Variants in RAPGEF2 observed in about 807,000 individuals in gnomAD.
The protein encoded by RAPGEF2 is Rap guanine nucleotide exchange factor 2, also known as PDZ domain containing guanine nucleotide exchange factor (GEF) 1.
A neutral mutation model predicts 186.7 loss-of-function variants in RAPGEF2; 54 were observed. The ratio of observed to expected loss-of-function variants is 0.29; its 90% confidence interval spans 0.23 to 0.36. RAPGEF2 has a LOEUF of 0.36. Among genes scored for constraint, RAPGEF2 ranks in the 10% least tolerant of loss-of-function variants. RAPGEF2 has a pLI of 1.00. For missense variants in RAPGEF2, 1,532 were observed against 2,045.0 expected (o/e 0.75, Z 4.84); for synonymous variants, 712 against 705.9 (o/e 1.01, Z -0.14).
At chr4:159,289,244 T>A (rs758152456) in intron 7 of RAPGEF2, among the ~76,000 whole-genome samples, 9 of 152,168 alleles carry the variant, frequency 5.9e-5, no homozygotes, top group Non-Finnish European at 1.3e-4. Context: ...GATAATTAAG[T>A]AGATGAATGA....
At chr4:159,150,345 TTATTGAA>T (rs1197990124) in intron 1 of RAPGEF2, among the ~76,000 whole-genome samples, 1 of 152,180 alleles carries the variant, frequency 6.6e-6, no homozygotes, top group Non-Finnish European at 1.5e-5. Flanking sequence ...TAAAAATAGC[TTATTGAA>T]TATATACGGT....
At chr4:159,338,523 C>T in intron 18 of RAPGEF2, 55 bp downstream of exon 18, 2 of 1,462,978 alleles carry the variant, frequency 1.4e-6, no homozygotes, top group South Asian at 1.2e-5. Flanking sequence ...TTATTTCTAA[C>T]ATAATGGTCA....
intron 4 of RAPGEF2, among the ~76,000 whole-genome samples, chr4:159,220,379 T>TGGTTGGGGGG: frequency 7.2e-6 from 1 of 138,232 alleles, no homozygotes; most frequent in African/African-American, 2.7e-5. Context: ...TGGGATGGGG[T>TGGTTGGGGGG]GGGGGAGGTG....
At chr4:159,215,697 A>G (rs185414291) in intron 4 of RAPGEF2, among the ~76,000 whole-genome samples, 8 of 152,298 alleles carry the variant, frequency 5.3e-5, no homozygotes, top group African/African-American at 1.9e-4. Flanking sequence ...ATAGTTTAAA[A>G]CTTTTTATAT....
chr4:159,144,879 G>GGTTT (rs1742748446), intron 1 of RAPGEF2, among the ~76,000 whole-genome samples: 1 of 92,338 alleles, frequency 1.1e-5, no homozygotes, highest in South Asian at 4.2e-4. Context: ...CTTTCTTCCT[G>GGTTT]TTTTTTTTTT....
At chr4:159,296,218 T>C (rs770406889) in intron 7 of RAPGEF2, among the ~76,000 whole-genome samples, 2 of 152,250 alleles carry the variant, frequency 1.3e-5, no homozygotes, top group Non-Finnish European at 2.9e-5. Context: ...GTGTCATTTA[T>C]AGACACATCA....
intron 1 of RAPGEF2, among the ~76,000 whole-genome samples, chr4:159,149,043 T>C (rs1189706025): frequency 1.3e-5 from 2 of 152,082 alleles, no homozygotes; most frequent in African/African-American, 4.8e-5. Context: ...TGGAAGAGGG[T>C]AGGATATATG....
intron 11 of RAPGEF2, chr4:159,327,855 G>C (rs964229565): frequency 1.3e-5 from 2 of 151,314 alleles, no homozygotes; most frequent in African/African-American, 4.9e-5. Flanking sequence ...AATTCAGTTT[G>C]GGATTTTTTT....
chr4:159,300,907 T>A (rs1762582510), intron 7 of RAPGEF2, among the ~76,000 whole-genome samples: 1 of 152,184 alleles, frequency 6.6e-6, no homozygotes, highest in Non-Finnish European at 1.5e-5. Flanking sequence ...AACCCCTACA[T>A]GGTTTGTTTG....
At chr4:159,331,064 G>A (rs923045375) in intron 13 of RAPGEF2, among the ~76,000 whole-genome samples, 3 of 152,078 alleles carry the variant, frequency 2.0e-5, no homozygotes, top group African/African-American at 7.2e-5. Context: ...GATTCTCTTT[G>A]TCCAGTCTGT....
At chr4:159,235,320 C>T (rs896438159) in intron 4 of RAPGEF2, among the ~76,000 whole-genome samples, 2 of 152,110 alleles carry the variant, frequency 1.3e-5, no homozygotes, top group South Asian at 4.1e-4. Flanking sequence ...TGTGCTAATG[C>T]ATTCAAAGAC....
intron 7 of RAPGEF2, among the ~76,000 whole-genome samples, chr4:159,258,445 C>A (rs1400427899): frequency 6.6e-6 from 1 of 152,088 alleles, no homozygotes; most frequent in African/African-American, 2.4e-5. Flanking sequence ...TATTTGGAAG[C>A]ATTTCCCGTC....
chr4:159,319,747 T>G (rs7678811), intron 9 of RAPGEF2, among the ~76,000 whole-genome samples: 2 of 151,336 alleles, frequency 1.3e-5, no homozygotes, highest in African/African-American at 4.9e-5. Flanking sequence ...ATATATGATA[T>G]GCAGGTATCT....
intron 28 of RAPGEF2, among the ~76,000 whole-genome samples, chr4:159,354,553 G>A (rs1731675902): frequency 6.6e-6 from 1 of 152,188 alleles, no homozygotes; most frequent in Non-Finnish European, 1.5e-5. Flanking sequence ...GGAGGGAGAG[G>A]TGCTAATAGT....
At chr4:159,177,289 T>A (rs1449763717) in intron 1 of RAPGEF2, among the ~76,000 whole-genome samples, 1 of 151,910 alleles carries the variant, frequency 6.6e-6, no homozygotes, top group African/African-American at 2.4e-5. Flanking sequence ...ATATATATAG[T>A]GTCTCAGGAA....
rs749563522 is a variant in RAPGEF2 at position 159,353,938 on chromosome 4, A to T, written c.4543A>T (p.Ile1515Phe). 3 of 1,614,114 alleles carry T rather than the reference A, an allele frequency of 1.9e-6. No individual in the cohort carries two copies. Among genetic ancestry groups the T allele is most frequent in the Non-Finnish European group, 2.5e-6 (3 of 1,180,016 alleles). Residue 1515 changes from isoleucine (I) to phenylalanine (F), a missense_variant, in exon 28 of 30, where the codon ATT becomes TTT. Ile to Phe is a conservative substitution (Grantham distance 21). This residue lies in a region of RAPGEF2 where 594 missense variants were observed against 608.5 expected (regional missense o/e 0.98). Transcript: ENST00000691494. This position sits in a 1 kb window ranked among gnomAD's most constrained non-coding sequence, Gnocchi z 4.3. Reference protein sequence around the residue: ...IKRRGGKDVSIEAESSSLTSV... With the variant: ...IKRRGGKDVSFEAESSSLTSV... ...GCGGAGGGGTGGAAAGGATGTTTCC[A>T]TTGAAGCCGAAAGCAGTAGCCTAAC... is the stretch of plus-strand genomic sequence containing the variant.
chr4:159,241,918 C>T (rs1754060571), intron 6 of RAPGEF2, among the ~76,000 whole-genome samples: 1 of 151,852 alleles, frequency 6.6e-6, no homozygotes, highest in Admixed American at 6.6e-5. Context: ...TTTTTTAATG[C>T]AGTGAAGGAG....
intron 1 of RAPGEF2, among the ~76,000 whole-genome samples, chr4:159,138,788 G>A (rs1319175416): frequency 6.6e-6 from 1 of 152,158 alleles, no homozygotes; most frequent in Non-Finnish European, 1.5e-5. Context: ...CCTCACTGGA[G>A]CATAAAACTC....
Position 159,277,030 on chromosome 4 carries a change from C to T in RAPGEF2, c.544-27312C>T, listed in dbSNP as rs372594529. Among the ~76,000 whole-genome samples the T allele has an allele frequency of 6.8e-4, 103 of 151,944 alleles. 2 individuals carry two copies. The East Asian group carries it at 0.012, about 17-fold the overall frequency. On this transcript the variant is annotated intron_variant, in intron 7 of 29. Coordinates refer to ENST00000691494, the MANE Select transcript of RAPGEF2 (RefSeq NM_001394067.2). ...TATTGGTGTGCTGCACCCATTAACTCATCATTTACATTAGGTATATCTCCT... is the reference window on the plus strand; with the variant it reads ...TATTGGTGTGCTGCACCCATTAACTTATCATTTACATTAGGTATATCTCCT...
Sources: allele counts gnomAD v4.1 joint callset (sites outside exome capture counted in the v4.1 genomes callset), GRCh38; gene constraint gnomAD v4.1.1; regional missense constraint gnomAD v4.1.1; non-coding constraint Gnocchi (gnomAD v3.1); transcripts MANE v1.5; gene names NCBI Gene and HGNC (gene_info 2026-07-23, HGNC 2026-07-21).